The following TTLL12 variants were observed in gnomAD, a reference collection of about 807,000 sequenced individuals.
TTLL12 encodes tubulin tyrosine ligase like 12.
A neutral mutation model predicts 79.6 loss-of-function variants in TTLL12; 77 were observed. The ratio of observed to expected loss-of-function variants is 0.97; its 90% CI spans 0.81 to 1.17. The LOEUF (loss-of-function observed/expected upper bound fraction) is 1.17, where lower values mean the gene tolerates loss of function less well. TTLL12 is among the 50% of genes most tolerant of loss of function. TTLL12 has a pLI of 0.00. For synonymous variants in TTLL12, 437 were observed against 376.1 expected (o/e 1.16, Z -1.87); for missense variants, 969 against 895.9 (o/e 1.08, Z -1.04).
intron 2 of TTLL12, 100 bp from the exon 3 acceptor site, chr22:43,181,040 A>C: frequency 7.4e-7 from 1 of 1,347,710 alleles, no homozygotes; most frequent in Non-Finnish European, 1.0e-6. Context: ...CCAGGGCCCA[A>C]GCTTCCTTAG....
At chr22:43,171,629 T>C in intron 11 of TTLL12, 190 bp downstream of exon 11, 1 of 563,128 alleles carries the variant, frequency 1.8e-6, no homozygotes. Flanking sequence ...GAGACCTACC[T>C]GAGACAACAC....
At chr22:43,184,318 G>A (rs79002438) in intron 1 of TTLL12, among the ~76,000 whole-genome samples, 2,261 of 152,358 alleles carry the variant, frequency 0.015, 57 homozygotes, top group African/African-American at 0.052. Flanking sequence ...GTGGCGTGAG[G>A]ATGAATCACT....
At chr22:43,170,045 C>T (rs958512770) in intron 11 of TTLL12, 1 of 364,676 alleles carries the variant, frequency 2.7e-6, no homozygotes, top group Non-Finnish European at 5.4e-6. Context: ...TTTCTGGCCT[C>T]AAGACTTTAC....
At position 43,170,194 on chromosome 22, in the gene TTLL12, T is replaced by TCCCG. The variant is rs148382559; in HGVS notation, c.1576-630_1576-627dup. On this transcript the variant is annotated intron_variant, in intron 11 of 13. Coordinates refer to ENST00000216129, the MANE Select transcript of TTLL12 (RefSeq NM_015140.4). Reference sequence around the variant, plus strand: ...CAGGCACAGAGCTCCAGGAGAGGACTCCCGGGATGACCCCCACAGTACAGA... The same window carrying TCCCG: ...CAGGCACAGAGCTCCAGGAGAGGACTCCCGCCCGGGATGACCCCCACAGTACAGA... The TCCCG allele has an allele frequency of 7.9e-4, 270 of 343,480 alleles. 3 individuals carry two copies. The East Asian group carries it at 0.018, about 23-fold the overall frequency. 21.3% of individuals were successfully genotyped at this position (343,480 alleles called of 1,614,324 possible). A position where few individuals can be genotyped will look rare whatever the true frequency, so the allele number is the denominator to read the frequency against.
intron 12 of TTLL12, 143 bp from the exon 13 acceptor site, chr22:43,169,055 C>T: frequency 2.8e-6 from 3 of 1,085,500 alleles, no homozygotes; most frequent in Non-Finnish European, 3.8e-6. Flanking sequence ...CTCACCATGG[C>T]CACCTCCGCC....
rs569509917 is a variant in TTLL12, at chr22:43,173,722, G to A, written c.1334C>T (p.Thr445Ile). The change falls in exon 9 of 14, where the codon ACC (threonine) becomes ATC (isoleucine). Residue 445 changes from threonine to isoleucine, a missense_variant. Transcript: ENST00000216129. ...LHSIIRHRES[T>I]PKVVSKYIES... Reference sequence around the variant, plus strand: ...CTGGTCTGCGGGGCCCACCTTGGGGGTGCTCTCTCGGTGCCGGATGATGCT... The same window carrying A: ...CTGGTCTGCGGGGCCCACCTTGGGGATGCTCTCTCGGTGCCGGATGATGCT... 1.2e-6 allele frequency: 2 copies of A among 1,601,760 alleles called. No individual in the cohort carries two copies. Among genetic ancestry groups the A allele is most frequent in the South Asian group, 1.1e-5 (1 of 91,056 alleles).
intron 11 of TTLL12, 155 bp downstream of exon 11, chr22:43,171,664 C>T: frequency 1.7e-6 from 1 of 605,044 alleles, no homozygotes; most frequent in Non-Finnish European, 2.9e-6. Context: ...CTCATGATGG[C>T]AGCGCTAACA....
In TTLL12 at chr22:43,168,927, G is replaced by A; in HGVS notation, c.1645-15C>T. ...AAGATCTCAGCCTGGGGACCGGGGAGCCTGAGTTACGAGGCCTGCTCAGAA... is the reference window on the plus strand; with the variant it reads ...AAGATCTCAGCCTGGGGACCGGGGAACCTGAGTTACGAGGCCTGCTCAGAA... On this transcript the variant is annotated splice_polypyrimidine_tract_variant and intron_variant, in intron 12 of 13. Coordinates refer to ENST00000216129, the MANE Select transcript of TTLL12 (RefSeq NM_015140.4). 1 of 1,605,642 alleles carries A rather than the reference G, an allele frequency of 6.2e-7. No homozygotes were observed. The highest frequency in any genetic ancestry group is 8.5e-7 in the Non-Finnish European group (1 of 1,176,142).
chr22:43,171,496 G>A lies in TTLL12; in HGVS notation c.1575+323C>T, dbSNP rs560720748. On this transcript the variant is annotated intron_variant, in intron 11 of 13. Coordinates refer to ENST00000216129, the MANE Select transcript of TTLL12 (RefSeq NM_015140.4). ...CACTCACAGGGTGGTCTGCTTTTCC[G>A]GTTGAAGTGGTGGTGAGGAGTAAGC... The A allele has an allele frequency of 6.0e-4, 161 of 270,076 alleles. 1 individual carries two copies. Among genetic ancestry groups the A allele is most frequent in the South Asian group, 5.7e-4 (10 of 17,582 alleles). The allele number at this position is 270,076 out of a possible 1,614,324, so 16.7% of individuals were successfully genotyped here.
In TTLL12 at chr22:43,176,380, T is replaced by C. The variant is rs1397392837; in HGVS notation, c.857A>G (p.Asn286Ser). Residue 286 changes from asparagine (N) to serine (S), a missense_variant, in exon 6 of 14, where the codon AAC (asparagine) becomes AGC (serine). Asn to Ser is a conservative substitution (Grantham distance 46). Transcript: ENST00000216129. The part of the protein sequence containing the change: ...AEHYQAILEE[N>S]KEKLPLDINP... The stretch of plus-strand genomic sequence containing the variant: ...GATGTCAAGTGGCAGCTTCTCCTTG[T>C]TTTCCTCCAGAATGGCCTAAAAGGA... The C allele has an allele frequency of 6.2e-7, 1 of 1,605,714 alleles. No individual in the cohort carries two copies. Among genetic ancestry groups the C allele is most frequent in the African/African-American group, 1.3e-5 (1 of 74,880 alleles).
intron 1 of TTLL12, 34 bp downstream of exon 1, chr22:43,186,859 G>C: frequency 8.0e-7 from 1 of 1,244,186 alleles, no homozygotes; most frequent in Non-Finnish European, 1.0e-6. Context: ...CTCCCACCCC[G>C]GCCGCCGCAC....
chr22:43,172,664 T>G, intron 9 of TTLL12, 110 bp from the exon 10 acceptor site: 1 of 1,232,166 alleles, frequency 8.1e-7, no homozygotes, highest in Non-Finnish European at 1.1e-6. Context: ...TTACTCCTCC[T>G]TCTGCCTTTT....
Position 43,179,917 on chromosome 22 carries a change from G to A in TTLL12, c.630C>T (p.Ala210=), listed in dbSNP as rs974262771. The change falls in exon 4 of 14, where the codon GCC becomes GCT. Residue 210 remains alanine (A), a synonymous_variant. Transcript: ENST00000216129. ...RIQHADVPSF[A]TAPFFYMPQQ... is the part of the protein sequence containing the mutation. ...GCGGCATGTAGAAGAAGGGTGCCGT[G>A]GCGAAGCTGGGCACGTCCGCGTGCT... The A allele has an allele frequency of 3.1e-6, 5 of 1,610,868 alleles. No homozygotes were observed. In the African/African-American group the frequency reaches 6.7e-5, roughly 22 times the overall value.
chr22:43,168,691 G>T, intron 13 of TTLL12, 83 bp downstream of exon 13: 2 of 1,520,722 alleles, frequency 1.3e-6, no homozygotes, highest in Non-Finnish European at 1.8e-6. Context: ...GCCTGGGGCA[G>T]CTGCCTGCCT....
At chr22:43,177,035 A>G (rs2147072045) in intron 5 of TTLL12, among the ~76,000 whole-genome samples, 1 of 152,348 alleles carries the variant, frequency 6.6e-6, no homozygotes, top group East Asian at 1.9e-4. Context: ...CCTAGGAGCC[A>G]CGAGGGCTGT....
chr22:43,176,462 G>T, intron 5 of TTLL12, 66 bp from the exon 6 acceptor site: 1 of 1,334,756 alleles, frequency 7.5e-7, no homozygotes, highest in Non-Finnish European at 1.1e-6. Context: ...GGCCGTGGTG[G>T]CTCATGTCCA....
At position 43,173,803 on chromosome 22, in the gene TTLL12, C is replaced by T; in HGVS notation, c.1253G>A (p.Cys418Tyr). 6.2e-7 allele frequency: 1 copy of T among 1,604,430 alleles called. No individual in the cohort carries two copies. The highest frequency in any genetic ancestry group is 8.5e-7 in the Non-Finnish European group (1 of 1,179,892). ...GCTGCGCGCCAGGTTCCAGGGCTTG[C>T]AGATCCAGTGGTTGTCCTCGCCCCT... ...ERWGEDNHWI[C>Y]KPWNLARSLD... The change falls in exon 9 of 14, where the codon TGC becomes TAC. Residue 418 changes from cysteine (C) to tyrosine (Y), a missense_variant. Transcript: ENST00000216129.
chr22:43,176,891 C>T (rs189174810), intron 5 of TTLL12, among the ~76,000 whole-genome samples: 1 of 152,240 alleles, frequency 6.6e-6, no homozygotes, highest in Admixed American at 6.5e-5. Flanking sequence ...GGGCTCCAGG[C>T]CCCTCGGATG....
At chr22:43,171,985 C>G in intron 10 of TTLL12, 85 bp from the exon 11 acceptor site, 6 of 1,201,248 alleles carry the variant, frequency 5.0e-6, no homozygotes, top group Non-Finnish European at 7.2e-6. Flanking sequence ...GCCTTCCCAA[C>G]TAGGGGTTCA....
Sources: gnomAD v4.1 joint callset for allele counts (sites outside exome capture counted in the v4.1 genomes callset) on GRCh38, gnomAD v4.1.1 for gene constraint, MANE v1.5 for transcripts, NCBI Gene and HGNC (gene_info 2026-07-23, HGNC 2026-07-21) for gene names.